SLC37A2: variants seen among roughly 807,000 people sequenced by gnomAD.
SLC37A2 encodes glucose-6-phosphate exchanger SLC37A2.
SLC37A2 carries 59 observed loss-of-function variants against 70.7 expected under a neutral mutation model. The observed-to-expected ratio is 0.83, with a 90% CI of 0.68 to 1.04. SLC37A2 has a LOEUF of 1.04. Ranked by LOEUF, SLC37A2 falls within the 50% of genes least tolerant of loss-of-function variation. The probability of loss-of-function intolerance (pLI) is 0.00; values close to 1 mark genes in which losing one functional copy is unlikely to be tolerated. For missense variants in SLC37A2, 580 were observed against 658.1 expected (o/e 0.88, Z 1.30); for synonymous variants, 257 against 262.1 (o/e 0.98, Z 0.19).
At chr11:125,081,324 T>C in intron 7 of SLC37A2, 97 bp from the exon 8 acceptor site, 4 of 1,100,714 alleles carry the variant, frequency 3.6e-6, no homozygotes, top group Non-Finnish European at 4.9e-6. Flanking sequence ...GTTCCCGGGA[T>C]GGCTTAGATC....
rs748583258 is a variant in SLC37A2, at chr11:125,080,045, A to G, written c.527+285A>G. The stretch of plus-strand genomic sequence containing the variant: ...TATAAAACTTCCGCCCTGCCCCCCA[A>G]CCCCGACCCCGAATTGGCTTGTGTG... On this transcript the variant is annotated intron_variant, in intron 6 of 17. Coordinates refer to ENST00000403796, the MANE Select transcript of SLC37A2 (RefSeq NM_001145290.2). This position sits in a 1 kb window ranked among gnomAD's most constrained non-coding sequence, Gnocchi z 4.3. Among the ~76,000 whole-genome samples the G allele has an allele frequency of 6.6e-6, 1 of 152,060 alleles. No homozygotes were observed. Among genetic ancestry groups the G allele is most frequent in the Non-Finnish European group, 1.5e-5 (1 of 68,020 alleles).
chr11:125,072,041 T>G (rs2135562466), intron 1 of SLC37A2, among the ~76,000 whole-genome samples: 1 of 151,710 alleles, frequency 6.6e-6, no homozygotes, highest in Admixed American at 6.6e-5. Flanking sequence ...GGGGAGTGAC[T>G]AGGGAGCCAC....
In SLC37A2 at chr11:125,083,574, C is replaced by T; in HGVS notation, c.977-241C>T. The T allele has an allele frequency of 2.2e-6, 1 of 461,920 alleles. No individual in the cohort carries two copies. Among genetic ancestry groups the T allele is most frequent in the African/African-American group, 2.0e-5 (1 of 50,838 alleles). 28.6% of individuals were successfully genotyped at this position (461,920 alleles called of 1,614,324 possible). On this transcript the variant is annotated intron_variant, in intron 10 of 17. Coordinates refer to ENST00000403796, the MANE Select transcript of SLC37A2 (RefSeq NM_001145290.2). The surrounding 1 kb of genome is among the most constrained non-coding windows in gnomAD (Gnocchi z 4.6). Reference sequence around the variant, plus strand: ...CAGAGCTTGCCAGGGAGGGCTTGTTCTGAGAGGTGAAGGTCATCCTGCAGG... The same window carrying T: ...CAGAGCTTGCCAGGGAGGGCTTGTTTTGAGAGGTGAAGGTCATCCTGCAGG...
chr11:125,077,286 T>C lies in SLC37A2; in HGVS notation c.198T>C (p.Ser66=). ...TCAAACCCATCAATGATACTCACAG[T>C]CTCAATGACACCATGTGGTGCAGCT... The part of the protein sequence containing the change: ...EQIKPINDTH[S]LNDTMWCSWA... The change falls in exon 3 of 18, where the codon AGT becomes AGC. Residue 66 remains serine, a synonymous_variant. Coordinates refer to ENST00000403796, the MANE Select transcript of SLC37A2 (RefSeq NM_001145290.2). 1 of 1,608,706 alleles carries C rather than the reference T, an allele frequency of 6.2e-7. No homozygotes were observed. The highest frequency in any genetic ancestry group is 8.5e-7 in the Non-Finnish European group (1 of 1,177,294).
intron 1 of SLC37A2, among the ~76,000 whole-genome samples, chr11:125,076,235 C>T (rs770538208): frequency 2.0e-5 from 3 of 152,160 alleles, no homozygotes; most frequent in Non-Finnish European, 4.4e-5. Flanking sequence ...ACCTGTCCCA[C>T]TGCCACTTCC....
chr11:125,085,757 C>A, intron 16 of SLC37A2, 83 bp downstream of exon 16: 1 of 1,476,472 alleles, frequency 6.8e-7, no homozygotes, highest in Non-Finnish European at 9.4e-7. Flanking sequence ...AAAGCGTTGG[C>A]CATTTGGGGT....
chr11:125,089,217 T>C lies in SLC37A2; in HGVS notation c.*1083T>C, dbSNP rs1192831931. The C allele has an allele frequency of 3.3e-5, 5 of 152,394 alleles. No individual in the cohort carries two copies. Among genetic ancestry groups the C allele is most frequent in the African/African-American group, 7.2e-5 (3 of 41,472 alleles). 9.4% of individuals were successfully genotyped at this position (152,394 alleles called of 1,614,324 possible). A position where few individuals can be genotyped will look rare whatever the true frequency, so the allele number is the denominator to read the frequency against. On this transcript the variant is annotated 3_prime_UTR_variant, in exon 18 of 18. Transcript: ENST00000403796. ...GCCTAAAGTTGCCCACTGGCACCAA[T>C]AGATTCTGTTTGACCTGCTGTGCCC...
rs186471095 is a variant in SLC37A2 at position 125,075,972 on chromosome 11, C to T, written c.60-785C>T. ...CCATGCATGTCCTGGCTCCTGGCTG[C>T]GGCGAGGAAGCAGATAGTGACTCAG... On this transcript the variant is annotated intron_variant, in intron 1 of 17. Transcript: ENST00000403796. Among the ~76,000 whole-genome samples, 321 of 152,202 alleles carry T rather than the reference C, an allele frequency of 2.1e-3. 1 individual carries two copies. Among genetic ancestry groups the T allele is most frequent in the African/African-American group, 6.9e-3 (285 of 41,530 alleles).
At chr11:125,086,047 C>A in intron 17 of SLC37A2, 29 bp downstream of exon 17, 1 of 1,604,914 alleles carries the variant, frequency 6.2e-7, no homozygotes, top group Non-Finnish European at 8.5e-7. Flanking sequence ...AGCTGCCCCT[C>A]TACCAACCTC....
At chr11:125,084,686 G>A in intron 12 of SLC37A2, 139 bp from the exon 13 acceptor site, 1 of 886,842 alleles carries the variant, frequency 1.1e-6, no homozygotes, top group Non-Finnish European at 1.8e-6. Context: ...TTAAAGACCA[G>A]AGAAATCTGC....
intron 10 of SLC37A2, among the ~76,000 whole-genome samples, 193 bp downstream of exon 10, chr11:125,082,527 CT>C (rs1296911722): frequency 1.3e-5 from 2 of 152,196 alleles, no homozygotes; most frequent in Admixed American, 6.5e-5. Flanking sequence ...AAACTACCCC[CT>C]AGACCCTGAC....
rs545427409 is a variant in SLC37A2, at chr11:125,084,289, C to T, written c.1095C>T (p.Cys365=). ...SDYTNGRATT[C]CVMLILAAPM... ...ACACCAATGGCAGGGCCACCACTTGCTGTGTCATGCTCATCTTGGCTGCCC... is the reference window on the plus strand; with the variant it reads ...ACACCAATGGCAGGGCCACCACTTGTTGTGTCATGCTCATCTTGGCTGCCC... Residue 365 remains cysteine (C), a synonymous_variant, in exon 12 of 18, where the codon TGC becomes TGT. Transcript: ENST00000403796. 181 of 1,614,130 alleles carry T rather than the reference C, an allele frequency of 1.1e-4. 2 individuals carry two copies. In the South Asian group the frequency reaches 1.8e-3, roughly 16 times the overall value.
intron 1 of SLC37A2, among the ~76,000 whole-genome samples, chr11:125,067,951 C>T (rs983945612): frequency 2.0e-5 from 3 of 152,180 alleles, no homozygotes; most frequent in African/African-American, 7.2e-5. Flanking sequence ...AGTAGAGTCT[C>T]ATTCATGTAT....
rs1056970786 is a variant in SLC37A2 at position 125,063,864 on chromosome 11, T to C, written c.59+438T>C. On this transcript the variant is annotated intron_variant, in intron 1 of 17. Coordinates refer to ENST00000403796, the MANE Select transcript of SLC37A2 (RefSeq NM_001145290.2). The surrounding 1 kb of genome is among the most constrained non-coding windows in gnomAD (Gnocchi z 5.4). ...GGGTTTGTGAGTGTCCCTCTTGGTC[T>C]CCTTTAGCCCTCGAACACCAAGGCC... 2.0e-5 allele frequency among the ~76,000 whole-genome samples: 3 copies of C among 152,212 alleles called. No individual in the cohort carries two copies. Among genetic ancestry groups the C allele is most frequent in the South Asian group, 2.1e-4 (1 of 4,832 alleles).
intron 16 of SLC37A2, 116 bp downstream of exon 16, chr11:125,085,790 C>T (rs565236872): frequency 8.5e-6 from 11 of 1,300,784 alleles, no homozygotes; most frequent in Admixed American, 1.8e-5. Context: ...AGAGCAGCTG[C>T]CCTTTGCTCA....
chr11:125,084,473 G>C (rs948269), intron 12 of SLC37A2, among the ~76,000 whole-genome samples, 154 bp downstream of exon 12: 25,145 of 152,264 alleles, frequency 0.17, 2,150 homozygotes, highest in East Asian at 0.26. Flanking sequence ...GGAGAAGCGA[G>C]GGTCAGCAGA....
chr11:125,081,475 C>T lies in SLC37A2; in HGVS notation c.732+17C>T. 1 of 1,605,142 alleles carries T rather than the reference C, an allele frequency of 6.2e-7. No homozygotes were observed. Among genetic ancestry groups the T allele is most frequent in the Non-Finnish European group, 8.5e-7 (1 of 1,174,736 alleles). ...CAGCACCACGTGAGTGTGAGCCCTC[C>T]CAGCCCTATCCCTGCCCTCCAACTC... On this transcript the variant is annotated intron_variant, in intron 8 of 17. Coordinates refer to ENST00000403796, the MANE Select transcript of SLC37A2 (RefSeq NM_001145290.2).
intron 1 of SLC37A2, among the ~76,000 whole-genome samples, chr11:125,069,556 GGAGA>G (rs745952928): frequency 6.6e-6 from 1 of 152,200 alleles, no homozygotes; most frequent in Non-Finnish European, 1.5e-5. Flanking sequence ...TTCTGTGGAG[GGAGA>G]GAATCATCTC....
At chr11:125,071,613 C>G (rs1281795105) in intron 1 of SLC37A2, among the ~76,000 whole-genome samples, 1 of 152,224 alleles carries the variant, frequency 6.6e-6, no homozygotes, top group Non-Finnish European at 1.5e-5. Context: ...AGGGCAAGCC[C>G]CGAGTCATCT....
Sources: allele counts gnomAD v4.1 joint callset (sites outside exome capture counted in the v4.1 genomes callset), GRCh38; gene constraint gnomAD v4.1.1; non-coding constraint Gnocchi (gnomAD v3.1); transcripts MANE v1.5; gene names NCBI Gene and HGNC (gene_info 2026-07-23, HGNC 2026-07-21).